The following USP43 variants were observed in gnomAD, a reference collection of about 807,000 sequenced individuals.
USP43 encodes the protein ubiquitin carboxyl-terminal hydrolase 43.
Under a neutral mutation model 90.7 loss-of-function variants are expected in USP43, and 33 were observed. The observed-to-expected ratio is 0.36, with a 90% CI of 0.28 to 0.49. The LOEUF is 0.49. USP43 is among the 20% of genes least tolerant of loss of function. USP43 has a pLI of 0.98. For missense variants in USP43, 1,274 were observed against 1,476.4 expected (o/e 0.86, Z 2.25); for synonymous variants, 598 against 615.8 (o/e 0.97, Z 0.43).
Position 9,709,891 on chromosome 17 carries a change from G to T in USP43, c.2012-65G>T. On this transcript the variant is annotated intron_variant, in intron 12 of 14. Coordinates refer to ENST00000285199, the MANE Select transcript of USP43 (RefSeq NM_153210.5). This position sits in a 1 kb window ranked among gnomAD's most constrained non-coding sequence, Gnocchi z 5.0. ...ACATACCGCTTTTTCAGCTATGCCAGTGGGAAATGTCTTCCTACCTTTTGG... is the reference window on the plus strand; with the variant it reads ...ACATACCGCTTTTTCAGCTATGCCATTGGGAAATGTCTTCCTACCTTTTGG... 1.5e-6 allele frequency: 2 copies of T among 1,353,856 alleles called. No homozygotes were observed. The highest frequency in any genetic ancestry group is 1.9e-6 in the Non-Finnish European group (2 of 1,043,662). The allele number at this position is 1,353,856 out of a possible 1,614,324, so 83.9% of individuals were successfully genotyped here.
intron 1 of USP43, among the ~76,000 whole-genome samples, chr17:9,656,055 A>G (rs1470944044): frequency 1.3e-5 from 2 of 152,198 alleles, no homozygotes. Context: ...GTGGAGCATC[A>G]TACCCCAGCA....
Position 9,656,602 on chromosome 17 carries a change from C to G in USP43, c.636+68C>G. On this transcript the variant is annotated intron_variant, in intron 2 of 14. Transcript: ENST00000285199. ...TTTTCTTTTAAATATTGACTCAGCT[C>G]CTCAAAACTGAATCTTGAAATTGAG... The G allele has an allele frequency of 2.0e-6, 3 of 1,500,706 alleles. No individual in the cohort carries two copies. The South Asian group carries it at 4.0e-5, about 20-fold the overall frequency. 93.0% of individuals were successfully genotyped at this position (1,500,706 alleles called of 1,614,324 possible).
intron 14 of USP43, among the ~76,000 whole-genome samples, chr17:9,718,556 C>T (rs1240750149): frequency 1.3e-5 from 2 of 151,010 alleles, no homozygotes; most frequent in Non-Finnish European, 2.9e-5. Flanking sequence ...CCTTAGAATA[C>T]GTTTCTGTGA....
At chr17:9,680,744 A>G (rs1914111921) in intron 6 of USP43, among the ~76,000 whole-genome samples, 1 of 152,098 alleles carries the variant, frequency 6.6e-6, no homozygotes, top group South Asian at 2.1e-4. Context: ...TATTTGGTAT[A>G]GATGCTGGAG....
chr17:9,713,261 G>A (rs955692803), intron 14 of USP43, among the ~76,000 whole-genome samples: 1 of 151,890 alleles, frequency 6.6e-6, no homozygotes, highest in Non-Finnish European at 1.5e-5. Flanking sequence ...GCTAATTTTT[G>A]TACTTTTCGT....
chr17:9,718,178 T>G (rs1916709945), intron 14 of USP43, among the ~76,000 whole-genome samples: 1 of 152,148 alleles, frequency 6.6e-6, no homozygotes, highest in Non-Finnish European at 1.5e-5. Context: ...GGACGAGAAA[T>G]ATGCTGTAGG....
Position 9,701,785 on chromosome 17 carries a change from G to A in USP43, c.2011+85G>A, listed in dbSNP as rs1234214968. On this transcript the variant is annotated intron_variant, in intron 12 of 14. Transcript: ENST00000285199. This position sits in a 1 kb window ranked among gnomAD's most constrained non-coding sequence, Gnocchi z 7.2. Reference sequence around the variant, plus strand: ...GGAATGGGTGTTGCTCAGATGCTGAGCTCCCTGGGGCACTTATTGAGATCC... The same window carrying A: ...GGAATGGGTGTTGCTCAGATGCTGAACTCCCTGGGGCACTTATTGAGATCC... The A allele has an allele frequency of 1.5e-5, 18 of 1,192,246 alleles. No individual in the cohort carries two copies. The highest frequency in any genetic ancestry group is 2.0e-5 in the Non-Finnish European group (17 of 871,352). The allele number at this position is 1,192,246 out of a possible 1,614,324, so 73.9% of individuals were successfully genotyped here. A position where few individuals can be genotyped will look rare whatever the true frequency, so the allele number is the denominator to read the frequency against.
At chr17:9,707,524 G>A (rs1915953029) in intron 12 of USP43, among the ~76,000 whole-genome samples, 1 of 151,710 alleles carries the variant, frequency 6.6e-6, no homozygotes, top group Non-Finnish European at 1.5e-5. Context: ...GCAGGCGCCT[G>A]TAGTCCCAAC....
At position 9,680,245 on chromosome 17, in the gene USP43, A is replaced by G; in HGVS notation, c.984A>G (p.Glu328=). The stretch of plus-strand genomic sequence containing the variant: ...TCTCATTTCAGGTGATCTTGGTTGA[A>G]CTGTATCCCAGTGGATTCCAGCGGT... ...GVPADEVILV[E]LYPSGFQRSF... Residue 328 remains glutamate, a synonymous_variant, in exon 6 of 15, where the codon GAA becomes GAG. Transcript: ENST00000285199. 1 of 1,613,552 alleles carries G rather than the reference A, an allele frequency of 6.2e-7. No homozygotes were observed. The highest frequency in any genetic ancestry group is 8.5e-7 in the Non-Finnish European group (1 of 1,179,660).
At chr17:9,672,246 T>G (rs1305172148) in intron 3 of USP43, among the ~76,000 whole-genome samples, 1 of 152,164 alleles carries the variant, frequency 6.6e-6, no homozygotes, top group African/African-American at 2.4e-5. Flanking sequence ...ATTGCCCACC[T>G]CGGCCTCCCG....
chr17:9,680,644 C>A (rs1299396264), intron 6 of USP43, among the ~76,000 whole-genome samples: 2 of 152,040 alleles, frequency 1.3e-5, no homozygotes, highest in Non-Finnish European at 1.5e-5. Context: ...ATTTGGGTGG[C>A]CTGGGGTGGG....
chr17:9,666,668 A>T lies in USP43; in HGVS notation c.657A>T (p.Lys219Asn). The change falls in exon 3 of 15, where the codon AAA becomes AAT. Residue 219 changes from lysine to asparagine, a missense_variant. By Grantham distance (94) the Lys-to-Asn change is moderately conservative. Transcript: ENST00000285199. ...TGCAGCTTCCGCCTGAAGCCACTAA[A>T]ACCTCTGAGAACTGCCTGTCACCAT... The part of the protein sequence containing the change: ...VSEKLPPEAT[K>N]TSENCLSPSA... 1 of 1,613,022 alleles carries T rather than the reference A, an allele frequency of 6.2e-7. No homozygotes were observed. The highest frequency in any genetic ancestry group is 2.2e-5 in the East Asian group (1 of 44,844).
At chr17:9,691,322 T>C (rs188529131) in intron 8 of USP43, among the ~76,000 whole-genome samples, 3,232 of 148,580 alleles carry the variant, frequency 0.022, 57 homozygotes, top group Admixed American at 0.046. Flanking sequence ...TTCTCCATGT[T>C]GGTCAGGCTG....
At chr17:9,718,963 A>G (rs75288984) in intron 14 of USP43, among the ~76,000 whole-genome samples, 7,498 of 151,236 alleles carry the variant, frequency 0.05, 292 homozygotes, top group East Asian at 0.21. Context: ...ATGATTGCAC[A>G]TTTAAAATAG....
chr17:9,707,806 C>T lies in USP43; in HGVS notation c.2012-2150C>T, dbSNP rs559612038. On this transcript the variant is annotated intron_variant, in intron 12 of 14. Coordinates refer to ENST00000285199, the MANE Select transcript of USP43 (RefSeq NM_153210.5). The stretch of plus-strand genomic sequence containing the variant: ...GATCTTTGCTCATTAATTCATTGCA[C>T]AAATGTATATTAAGTACCTGTTCTA... Among the ~76,000 whole-genome samples, 4 of 152,152 alleles carry T rather than the reference C, an allele frequency of 2.6e-5. No individual in the cohort carries two copies. In the East Asian group the frequency reaches 7.7e-4, roughly 29 times the overall value.
intron 4 of USP43, among the ~76,000 whole-genome samples, chr17:9,676,382 C>A (rs576803088): frequency 6.6e-6 from 1 of 152,126 alleles, no homozygotes; most frequent in South Asian, 2.1e-4. Context: ...TTCTTTCTTT[C>A]TTTTTGAGAT....
In USP43 at chr17:9,701,367, G is replaced by A. The variant is rs1253635747; in HGVS notation, c.1678G>A (p.Ala560Thr). The A allele has an allele frequency of 1.9e-6, 3 of 1,597,856 alleles. No homozygotes were observed. The highest frequency in any genetic ancestry group is 1.1e-5 in the South Asian group (1 of 88,050). The change falls in exon 12 of 15, where the codon GCC (alanine) becomes ACC (threonine). Residue 560 changes from alanine to threonine, a missense_variant. By Grantham distance (58) the Ala-to-Thr change is moderately conservative. Around this residue, in one of 6 missense-constraint regions of USP43, gnomAD observed 253 missense variants for 276.0 expected, o/e 0.92. Coordinates refer to ENST00000285199, the MANE Select transcript of USP43 (RefSeq NM_153210.5). The surrounding 1 kb of genome is among the most constrained non-coding windows in gnomAD (Gnocchi z 7.2). ...TKEEQLAQDDAWKCPHCQVLQ... is the reference protein window; with the variant it reads ...TKEEQLAQDDTWKCPHCQVLQ... ...TGCTTTCCAGCTGGCCCAGGATGACGCCTGGAAGTGTCCTCACTGCCAAGT... is the reference window on the plus strand; with the variant it reads ...TGCTTTCCAGCTGGCCCAGGATGACACCTGGAAGTGTCCTCACTGCCAAGT...
At position 9,700,024 on chromosome 17, in the gene USP43, G is replaced by A. The variant is rs530009665; in HGVS notation, c.1458-148G>A. The A allele has an allele frequency of 1.2e-4, 84 of 722,548 alleles. 1 individual carries two copies. In the Middle Eastern group the frequency reaches 4.8e-3, roughly 41 times the overall value. 44.8% of individuals were successfully genotyped at this position (722,548 alleles called of 1,614,324 possible). A position where few individuals can be genotyped will look rare whatever the true frequency, so the allele number is the denominator to read the frequency against. On this transcript the variant is annotated intron_variant, in intron 9 of 14. Transcript: ENST00000285199. Reference sequence around the variant, plus strand: ...GCCTTCAGCAGACTTAGCAGCCTCCGAGGATAGCTGACCTTGGCTTACTGG... The same window carrying A: ...GCCTTCAGCAGACTTAGCAGCCTCCAAGGATAGCTGACCTTGGCTTACTGG...
At chr17:9,688,309 G>T (rs116933788) in intron 8 of USP43, among the ~76,000 whole-genome samples, 2 of 150,056 alleles carry the variant, frequency 1.3e-5, no homozygotes, top group African/African-American at 4.9e-5. Context: ...TTTCATGTGA[G>T]CATTTAACTC....
Sources: allele counts gnomAD v4.1 joint callset (sites outside exome capture counted in the v4.1 genomes callset), GRCh38; gene constraint gnomAD v4.1.1; regional missense constraint gnomAD v4.1.1; non-coding constraint Gnocchi (gnomAD v3.1); transcripts MANE v1.5; gene names NCBI Gene and HGNC (gene_info 2026-07-23, HGNC 2026-07-21).